Variants in AGTR1 observed in about 807,000 individuals in gnomAD.
AGTR1 encodes the protein angiotensin II receptor type 1, also known as type-1 angiotensin II receptor.
AGTR1 carries 16 observed loss-of-function variants against 19.4 expected under a neutral mutation model. That is an observed-to-expected ratio of 0.82 (90% confidence interval 0.56 to 1.25). AGTR1 has a LOEUF of 1.25. AGTR1 is among the 50% of genes most tolerant of loss of function. The pLI is 0.00. For missense variants in AGTR1, 373 were observed against 431.9 expected (o/e 0.86, Z 1.21); for synonymous variants, 153 against 154.9 (o/e 0.99, Z 0.09).
At chr3:148,725,516 G>T (rs1370613013) in intron 2 of AGTR1, among the ~76,000 whole-genome samples, 2 of 152,106 alleles carry the variant, frequency 1.3e-5, no homozygotes. Flanking sequence ...GTCTCATTCT[G>T]CTGCCCAGGC....
intron 2 of AGTR1, among the ~76,000 whole-genome samples, chr3:148,708,908 C>T (rs1301337206): frequency 2.0e-5 from 3 of 152,088 alleles, no homozygotes; most frequent in East Asian, 1.9e-4. Context: ...AGGATAGATA[C>T]GTAGGTGCTG....
chr3:148,732,931 G>A (rs1445453473), intron 2 of AGTR1, among the ~76,000 whole-genome samples: 4 of 150,944 alleles, frequency 2.6e-5, no homozygotes, highest in Non-Finnish European at 5.9e-5. Flanking sequence ...TAGTAGAGAC[G>A]GGGTTTCACC....
At position 148,741,697 on chromosome 3, in the gene AGTR1, C is replaced by A. The variant is rs775074631; in HGVS notation, c.662C>A (p.Ala221Asp). 1 of 1,613,886 alleles carries A rather than the reference C, an allele frequency of 6.2e-7. No individual in the cohort carries two copies. Among genetic ancestry groups the A allele is most frequent in the Non-Finnish European group, 8.5e-7 (1 of 1,179,872 alleles). The change falls in exon 3 of 3, where the codon GCC (alanine) becomes GAC (aspartate). Residue 221 changes from alanine to aspartate, a missense_variant. By Grantham distance (126) the Ala-to-Asp change is moderately radical. Coordinates refer to ENST00000349243, the MANE Select transcript of AGTR1 (RefSeq NM_000685.5). ...ILTSYTLIWK[A>D]LKKAYEIQKN... ...ACAAGTTATACTCTTATTTGGAAGG[C>A]CCTAAAGAAGGCTTATGAAATTCAG...
At chr3:148,739,869 C>CTG in intron 2 of AGTR1, 3 of 1,231,894 alleles carry the variant, frequency 2.4e-6, no homozygotes, top group Non-Finnish European at 3.0e-6. Context: ...GCAATAGGAT[C>CTG]TGTGTGCCCA....
At chr3:148,720,772 A>G (rs1029678005) in intron 2 of AGTR1, among the ~76,000 whole-genome samples, 2 of 152,236 alleles carry the variant, frequency 1.3e-5, no homozygotes, top group African/African-American at 2.4e-5. Flanking sequence ...ATATCTTTGC[A>G]TTAAAAAATC....
intron 2 of AGTR1, among the ~76,000 whole-genome samples, chr3:148,733,389 T>G (rs1021601096): frequency 2.6e-5 from 4 of 152,182 alleles, no homozygotes; most frequent in East Asian, 1.9e-4. Flanking sequence ...TTCTCTAATA[T>G]TATCATAATT....
intron 2 of AGTR1, among the ~76,000 whole-genome samples, chr3:148,720,625 T>C (rs1196064552): frequency 6.6e-6 from 1 of 152,166 alleles, no homozygotes; most frequent in Non-Finnish European, 1.5e-5. Flanking sequence ...TACTTAACAG[T>C]ATAAAAGTAA....
At chr3:148,713,079 CTA>C (rs1283398561) in intron 2 of AGTR1, among the ~76,000 whole-genome samples, 1 of 152,034 alleles carries the variant, frequency 6.6e-6, no homozygotes, top group Non-Finnish European at 1.5e-5. Context: ...AAAATCTACA[CTA>C]TGAATAAAAC....
chr3:148,728,964 C>A (rs1467134764), intron 2 of AGTR1, among the ~76,000 whole-genome samples: 2 of 152,186 alleles, frequency 1.3e-5, no homozygotes, highest in African/African-American at 4.8e-5. Context: ...TGCGGGGTTC[C>A]TTCCCTAACC....
intron 2 of AGTR1, among the ~76,000 whole-genome samples, chr3:148,711,019 T>C (rs1712952177): frequency 6.6e-6 from 1 of 152,134 alleles, no homozygotes; most frequent in South Asian, 2.1e-4. Context: ...TGCTTCCTTG[T>C]AAGCCTGCAG....
At chr3:148,702,198 A>G (rs1363219674) in intron 1 of AGTR1, among the ~76,000 whole-genome samples, 5 of 152,076 alleles carry the variant, frequency 3.3e-5, no homozygotes. Flanking sequence ...GCTGGTCTCA[A>G]ACTTCTGACC....
At chr3:148,715,572 T>A (rs1239697263) in intron 2 of AGTR1, among the ~76,000 whole-genome samples, 1 of 152,144 alleles carries the variant, frequency 6.6e-6, no homozygotes, top group African/African-American at 2.4e-5. Flanking sequence ...AAATGCAGCT[T>A]CCTTTATCTG....
chr3:148,734,777 C>T (rs996357315), intron 2 of AGTR1, among the ~76,000 whole-genome samples: 9 of 152,154 alleles, frequency 5.9e-5, no homozygotes, highest in Non-Finnish European at 1.5e-5. Flanking sequence ...GTCTGCCATG[C>T]TTCCCTCTTC....
chr3:148,736,553 T>C (rs1055275834), intron 2 of AGTR1, among the ~76,000 whole-genome samples: 2 of 152,256 alleles, frequency 1.3e-5, no homozygotes, highest in African/African-American at 4.8e-5. Context: ...TTGAAAGATA[T>C]ACCAAGTGCT....
chr3:148,734,520 A>T (rs900273439), intron 2 of AGTR1, among the ~76,000 whole-genome samples: 1 of 152,258 alleles, frequency 6.6e-6, no homozygotes, highest in Non-Finnish European at 1.5e-5. Flanking sequence ...TACATATATC[A>T]GAGAGCCATT....
intron 2 of AGTR1, among the ~76,000 whole-genome samples, chr3:148,738,840 T>C (rs12695918): frequency 0.042 from 6,363 of 152,312 alleles, 430 homozygotes; most frequent in African/African-American, 0.15. Context: ...CAGAAATTAG[T>C]CTCGATACAC....
At chr3:148,732,077 A>C (rs940790299) in intron 2 of AGTR1, among the ~76,000 whole-genome samples, 17 of 152,248 alleles carry the variant, frequency 1.1e-4, no homozygotes, top group African/African-American at 4.1e-4. Context: ...ATTTTCTTAC[A>C]AAGAATCTGA....
intron 2 of AGTR1, among the ~76,000 whole-genome samples, chr3:148,725,081 TA>T (rs1359176297): frequency 2.0e-5 from 3 of 152,122 alleles, no homozygotes; most frequent in Admixed American, 1.3e-4. Flanking sequence ...GAAATTCTAT[TA>T]AAAAACAACA....
intron 2 of AGTR1, among the ~76,000 whole-genome samples, chr3:148,722,412 T>G (rs1713696906): frequency 6.6e-6 from 1 of 152,226 alleles, no homozygotes; most frequent in African/African-American, 2.4e-5. Context: ...AGACTTCAGA[T>G]GCTAAGACTA....
Sources: allele counts gnomAD v4.1 joint callset (sites outside exome capture counted in the v4.1 genomes callset), GRCh38; gene constraint gnomAD v4.1.1; transcripts MANE v1.5; gene names NCBI Gene and HGNC (gene_info 2026-07-23, HGNC 2026-07-21).